ROBO1: variants seen among roughly 807,000 people sequenced by gnomAD.
ROBO1 encodes roundabout homolog 1.
A neutral mutation model predicts 195.9 loss-of-function variants in ROBO1; 149 were observed. The ratio of observed to expected loss-of-function variants is 0.76; its 90% CI spans 0.67 to 0.87. The LOEUF (loss-of-function observed/expected upper bound fraction) is 0.87, where lower values mean the gene tolerates loss of function less well. Among genes scored for constraint, ROBO1 ranks in the 40% least tolerant of loss-of-function variants. The pLI is 0.00. For synonymous variants in ROBO1, 816 were observed against 733.2 expected (o/e 1.11, Z -1.82); for missense variants, 1,933 against 2,068.3 (o/e 0.93, Z 1.27).
At chr3:79,630,448 A>C (rs1945304701) in intron 1 of ROBO1, among the ~76,000 whole-genome samples, 1 of 152,076 alleles carries the variant, frequency 6.6e-6, no homozygotes, top group African/African-American at 2.4e-5. Flanking sequence ...ACACCCTCTC[A>C]TGTTAAAAAC....
chr3:79,192,957 T>C (rs1448733572), intron 2 of ROBO1, among the ~76,000 whole-genome samples: 1 of 151,356 alleles, frequency 6.6e-6, no homozygotes, highest in East Asian at 1.9e-4. Flanking sequence ...GTAGCAGAGA[T>C]GGAAAAAAGA....
intron 1 of ROBO1, among the ~76,000 whole-genome samples, chr3:79,632,799 C>A (rs1394034032): frequency 6.6e-6 from 1 of 152,040 alleles, no homozygotes; most frequent in Non-Finnish European, 1.5e-5. Flanking sequence ...AAATTCAAAT[C>A]TCTTCCTCTT....
intron 2 of ROBO1, among the ~76,000 whole-genome samples, chr3:79,186,601 T>C (rs2081443397): frequency 6.6e-6 from 1 of 152,102 alleles, no homozygotes; most frequent in Non-Finnish European, 1.5e-5. Context: ...TGACTGCCTT[T>C]TGACACGTTA....
At chr3:79,161,042 A>G (rs1022669099) in intron 2 of ROBO1, among the ~76,000 whole-genome samples, 1 of 152,100 alleles carries the variant, frequency 6.6e-6, no homozygotes, top group African/African-American at 2.4e-5. Context: ...TTAGAATGAT[A>G]AAAAGTCAAG....
chr3:79,485,777 C>G (rs1939127005), intron 2 of ROBO1, among the ~76,000 whole-genome samples: 1 of 152,058 alleles, frequency 6.6e-6, no homozygotes, highest in Non-Finnish European at 1.5e-5. Flanking sequence ...TTAACATGTC[C>G]CCAATTTAGT....
At chr3:78,952,006 GA>G (rs1258268706) in intron 3 of ROBO1, among the ~76,000 whole-genome samples, 2 of 151,464 alleles carry the variant, frequency 1.3e-5, no homozygotes, top group African/African-American at 2.4e-5. Flanking sequence ...TCATATATAT[GA>G]TTTTTTTCTA....
intron 2 of ROBO1, among the ~76,000 whole-genome samples, chr3:79,232,003 G>C (rs1394237613): frequency 6.6e-6 from 1 of 152,032 alleles, no homozygotes; most frequent in African/African-American, 2.4e-5. Flanking sequence ...TTATAAGTGG[G>C]AGCTAAATGA....
intron 1 of ROBO1, among the ~76,000 whole-genome samples, chr3:79,639,122 A>C (rs892493551): frequency 6.6e-6 from 1 of 152,132 alleles, no homozygotes; most frequent in Non-Finnish European, 1.5e-5. Context: ...GATAACCTTA[A>C]TTTCTGATTG....
intron 3 of ROBO1, among the ~76,000 whole-genome samples, chr3:79,112,266 C>T (rs909592754): frequency 6.6e-6 from 1 of 152,072 alleles, no homozygotes; most frequent in Non-Finnish European, 1.5e-5. Flanking sequence ...CCAGCTTTGT[C>T]TCCTGAAGGG....
intron 8 of ROBO1, among the ~76,000 whole-genome samples, chr3:78,706,245 G>A (rs2081548882): frequency 6.6e-6 from 1 of 152,010 alleles, no homozygotes; most frequent in African/African-American, 2.4e-5. Flanking sequence ...GGGGCAGGTG[G>A]AGCTGGGGCA....
intron 10 of ROBO1, among the ~76,000 whole-genome samples, chr3:78,673,554 C>CAT (rs1390839604): frequency 7.2e-5 from 6 of 83,238 alleles, no homozygotes; most frequent in African/African-American, 2.4e-4. Context: ...AGCTAGGTTA[C>CAT]ATATATTTTA....
At chr3:79,237,467 C>T (rs1466614730) in intron 2 of ROBO1, among the ~76,000 whole-genome samples, 4 of 133,794 alleles carry the variant, frequency 3.0e-5, no homozygotes, top group South Asian at 2.6e-4. Flanking sequence ...GGCGACAGAG[C>T]AAGACTCCAT....
chr3:79,227,820 A>G (rs191713513), intron 2 of ROBO1, among the ~76,000 whole-genome samples: 2 of 152,300 alleles, frequency 1.3e-5, no homozygotes, highest in African/African-American at 4.8e-5. Context: ...TAATTAATTA[A>G]TCTATTTATT....
intron 3 of ROBO1, among the ~76,000 whole-genome samples, chr3:79,063,235 C>T (rs1253340198): frequency 1.3e-5 from 2 of 151,868 alleles, no homozygotes; most frequent in Non-Finnish European, 2.9e-5. Context: ...TTTTCTGACC[C>T]GTACTCTTGA....
At chr3:79,433,148 G>T (rs2038747646) in intron 2 of ROBO1, among the ~76,000 whole-genome samples, 1 of 152,064 alleles carries the variant, frequency 6.6e-6, no homozygotes, top group Non-Finnish European at 1.5e-5. Flanking sequence ...GTATCTATTA[G>T]CTATTCTTCC....
chr3:79,493,125 T>C (rs1939554421), intron 2 of ROBO1, among the ~76,000 whole-genome samples: 1 of 152,012 alleles, frequency 6.6e-6, no homozygotes. Flanking sequence ...AACATGAATG[T>C]TTAAGATAAA....
chr3:78,967,640 G>C (rs1186014053), intron 3 of ROBO1, among the ~76,000 whole-genome samples: 1 of 151,984 alleles, frequency 6.6e-6, no homozygotes, highest in Non-Finnish European at 1.5e-5. Context: ...TTCATTATTT[G>C]TGGAGTTCTA....
At chr3:78,731,551 A>C (rs956989138) in intron 5 of ROBO1, among the ~76,000 whole-genome samples, 1 of 152,148 alleles carries the variant, frequency 6.6e-6, no homozygotes, top group Admixed American at 6.5e-5. Flanking sequence ...CAGCACTTAC[A>C]TAGAAAGTAC....
intron 29 of ROBO1, among the ~76,000 whole-genome samples, chr3:78,604,506 G>A (rs1289761088): frequency 6.6e-6 from 1 of 152,218 alleles, no homozygotes; most frequent in Non-Finnish European, 1.5e-5. Context: ...AAAGTTCAGA[G>A]CCAGATCAAC....
Sources: gnomAD v4.1 joint callset for allele counts (sites outside exome capture counted in the v4.1 genomes callset) on GRCh38, gnomAD v4.1.1 for gene constraint, MANE v1.5 for transcripts, NCBI Gene and HGNC (gene_info 2026-07-23, HGNC 2026-07-21) for gene names.